Variants in ADGRG2 observed in about 807,000 individuals in gnomAD.
ADGRG2 encodes the protein adhesion G protein-coupled receptor G2, also known as G protein-coupled receptor 64.
A neutral mutation model predicts 74.1 loss-of-function variants in ADGRG2; 26 were observed. That is an observed-to-expected ratio of 0.35 (90% confidence interval 0.26 to 0.49). The LOEUF (loss-of-function observed/expected upper bound fraction) is 0.49. ADGRG2 is among the 20% of genes least tolerant of loss of function. The pLI, the probability that ADGRG2 is intolerant of heterozygous loss-of-function variation, is 0.99. For synonymous variants in ADGRG2, 296 were observed against 295.2 expected (o/e 1.00, Z -0.03); for missense variants, 619 against 763.1 (o/e 0.81, Z 2.22).
chrX:19,020,886 C>T (rs182262944), intron 14 of ADGRG2, among the ~76,000 whole-genome samples: 14 of 109,947 alleles, frequency 1.3e-4, no homozygotes, highest in African/African-American at 2.0e-4. Context: ...CACCTGAATC[C>T]GGGAAGTGGA....
rs1257693285 is a variant in ADGRG2, at chrX:19,031,475, A to G, written c.305-438T>C. 4 of 115,378 alleles carry G rather than the reference A, an allele frequency of 3.5e-5. No homozygotes were observed. The East Asian group carries it at 1.1e-3, about 31-fold the overall frequency. The allele number at this position is 115,378 out of a possible 1,213,427, so 9.5% of individuals were successfully genotyped here. A position where few individuals can be genotyped will look rare whatever the true frequency, so the allele number is the denominator to read the frequency against. On this transcript the variant is annotated intron_variant, in intron 8 of 28. Transcript: ENST00000379869. ...CTCTTTATGCAAATGTATGTATGAA[A>G]TAACATTAATGTCATAATATTGTTT...
chrX:19,105,277 A>G (rs1403307652), intron 1 of ADGRG2, among the ~76,000 whole-genome samples: 1 of 111,962 alleles, frequency 8.9e-6, no homozygotes, highest in African/African-American at 3.2e-5. Flanking sequence ...TATTTTTTAA[A>G]TTAAACTTTT....
intron 7 of ADGRG2, chrX:19,034,365 C>A (rs908049883): frequency 2.7e-5 from 3 of 111,905 alleles, no homozygotes; most frequent in Non-Finnish European, 3.8e-5. Flanking sequence ...GTACAGAAAT[C>A]TTTGCTGTAA....
intron 24 of ADGRG2, 148 bp from the exon 25 acceptor site, chrX:19,000,108 C>T: frequency 2.5e-6 from 1 of 400,173 alleles, no homozygotes; most frequent in Non-Finnish European, 4.3e-6. Context: ...ATTCTCCTGC[C>T]TCAGCCTCCC....
intron 3 of ADGRG2, among the ~76,000 whole-genome samples, chrX:19,061,240 G>C (rs1490125415): frequency 9.7e-6 from 1 of 102,921 alleles, no homozygotes; most frequent in Non-Finnish European, 1.9e-5. Context: ...TGTAAGCTGA[G>C]GGGGGGCCCA....
Position 19,004,741 on chromosome X carries a change from C to T in ADGRG2, c.1961+17G>A, listed in dbSNP as rs1326195755. ...GTGCTGAGTCCTAAATCCAAATTTCCGGTTGTGGATACTCACTCAAAAGCT... is the reference window on the plus strand; with the variant it reads ...GTGCTGAGTCCTAAATCCAAATTTCTGGTTGTGGATACTCACTCAAAAGCT... On this transcript the variant is annotated intron_variant, in intron 23 of 28. Transcript: ENST00000379869. The T allele has an allele frequency of 2.0e-5, 24 of 1,200,098 alleles. No individual in the cohort carries two copies. The highest frequency in any genetic ancestry group is 7.0e-5 in the African/African-American group (4 of 56,762).
intron 3 of ADGRG2, among the ~76,000 whole-genome samples, chrX:19,054,726 A>G (rs763274186): frequency 8.9e-5 from 10 of 112,284 alleles, no homozygotes; most frequent in African/African-American, 2.9e-4. Flanking sequence ...CGTTAGACCA[A>G]CTACATTTCC....
chrX:19,010,309 CG>C (rs1272279488), intron 17 of ADGRG2, among the ~76,000 whole-genome samples: 2 of 109,594 alleles, frequency 1.8e-5, no homozygotes, highest in African/African-American at 6.6e-5. Flanking sequence ...TTAGTAGAGA[CG>C]GGGTTTCACC....
Position 19,037,624 on chromosome X carries a change from A to G in ADGRG2, c.167T>C (p.Val56Ala). 8.8e-7 allele frequency: 1 copy of G among 1,142,564 alleles called. No homozygotes were observed. Among genetic ancestry groups the G allele is most frequent in the Non-Finnish European group, 1.2e-6 (1 of 852,977 alleles). The allele number at this position is 1,142,564 out of a possible 1,213,427, so 94.2% of individuals were successfully genotyped here. ...ATTGGAGGAGGGGGCAAAACTGACA[A>G]CAGATAATTTAGCTGCAGGAGAAAA... ...SLSPPPAKLS[V>A]VSFAPSSNGT... The change falls in exon 5 of 29, where the codon GTT (valine) becomes GCT (alanine). Residue 56 changes from valine to alanine, a missense_variant. Transcript: ENST00000379869.
Position 19,066,349 on chromosome X carries a change from T to C in ADGRG2, c.118+2368A>G, listed in dbSNP as rs772782035. ...TTATGCAATAAAGATTCCTTGGTCCTGCCACCCACTTCTGAATAAGAAAGT... is the reference window on the plus strand; with the variant it reads ...TTATGCAATAAAGATTCCTTGGTCCCGCCACCCACTTCTGAATAAGAAAGT... On this transcript the variant is annotated intron_variant, in intron 3 of 28. Coordinates refer to ENST00000379869, the MANE Select transcript of ADGRG2 (RefSeq NM_001079858.3). Among the ~76,000 whole-genome samples, 41 of 110,383 alleles carry C rather than the reference T, an allele frequency of 3.7e-4. 1 individual carries two copies. The highest frequency in any genetic ancestry group is 4.7e-3 in the Middle Eastern group (1 of 213).
chrX:19,013,973 G>A lies in ADGRG2; in HGVS notation c.812C>T (p.Ser271Phe), dbSNP rs779017739. ...IPVVPRATVL[S>F]QVPKATSFAE... ...AAAAGAGGTAGCTTTGGGGACCTGG[G>A]AAAGCACAGTGGCCCGAGGCACCAC... Residue 271 changes from serine to phenylalanine, a missense_variant, in exon 16 of 29, where the codon TCC (serine) becomes TTC (phenylalanine). Around this residue, in one of 3 missense-constraint regions of ADGRG2, gnomAD observed 292 missense variants for 318.0 expected, o/e 0.92. Transcript: ENST00000379869. The A allele has an allele frequency of 9.9e-6, 12 of 1,208,393 alleles. 1 individual carries two copies. In the Admixed American group the frequency reaches 2.4e-4, roughly 24 times the overall value.
At chrX:19,095,711 A>G (rs2062084724) in intron 1 of ADGRG2, among the ~76,000 whole-genome samples, 1 of 112,167 alleles carries the variant, frequency 8.9e-6, no homozygotes, top group South Asian at 3.8e-4. Flanking sequence ...GAAAAATTTT[A>G]TAGTAAAAAC....
At chrX:19,006,746 G>A (rs1012565610) in intron 20 of ADGRG2, among the ~76,000 whole-genome samples, 1 of 104,708 alleles carries the variant, frequency 9.6e-6, no homozygotes, top group Non-Finnish European at 1.9e-5. Context: ...TGGAAATTAG[G>A]TGGTCAATTT....
At chrX:19,002,187 C>G (rs1384413572) in intron 24 of ADGRG2, among the ~76,000 whole-genome samples, 1 of 109,950 alleles carries the variant, frequency 9.1e-6, no homozygotes, top group Non-Finnish European at 1.9e-5. Flanking sequence ...AGTATTCAAG[C>G]AGAAGTTAGA....
At chrX:19,121,459 G>T (rs943055779) in intron 1 of ADGRG2, among the ~76,000 whole-genome samples, 5 of 111,403 alleles carry the variant, frequency 4.5e-5, no homozygotes, top group Non-Finnish European at 9.4e-5. Flanking sequence ...GCGTGCGTTT[G>T]GGGGTAGAGG....
At chrX:19,122,402 A>G (rs2062625585) in intron 1 of ADGRG2, 40 bp downstream of exon 1, 1 of 111,073 alleles carries the variant, frequency 9.0e-6, no homozygotes, top group Admixed American at 9.3e-5. Context: ...GGGTCTCAGG[A>G]CCCCAAGGGG....
At chrX:19,105,495 CACA>C (rs905544895) in intron 1 of ADGRG2, among the ~76,000 whole-genome samples, 1 of 110,379 alleles carries the variant, frequency 9.1e-6, no homozygotes, top group African/African-American at 3.3e-5. Context: ...AACCAAACAC[CACA>C]TGTTCTCACT....
At chrX:19,038,472 A>G (rs2060988657) in intron 4 of ADGRG2, among the ~76,000 whole-genome samples, 1 of 112,226 alleles carries the variant, frequency 8.9e-6, no homozygotes, top group South Asian at 3.7e-4. Flanking sequence ...CATTTACTAC[A>G]TTTATTTATT....
At chrX:19,048,292 AG>A (rs1265874972) in intron 3 of ADGRG2, among the ~76,000 whole-genome samples, 10 of 112,497 alleles carry the variant, frequency 8.9e-5, no homozygotes, top group Admixed American at 8.4e-4. Context: ...GAGCCCCCAA[AG>A]GGGGTCTATC....
Sources: allele counts gnomAD v4.1 joint callset (sites outside exome capture counted in the v4.1 genomes callset), GRCh38; gene constraint gnomAD v4.1.1; regional missense constraint gnomAD v4.1.1; transcripts MANE v1.5; gene names NCBI Gene and HGNC (gene_info 2026-07-23, HGNC 2026-07-21).